ADAMTSL3: variants seen among roughly 807,000 people sequenced by gnomAD.
ADAMTSL3 encodes ADAMTS like 3, also known as ADAMTS-like protein 3.
ADAMTSL3 carries 128 observed loss-of-function variants against 201.7 expected under a neutral mutation model. The observed-to-expected ratio is 0.63, with a 90% CI of 0.55 to 0.73. The LOEUF is 0.73. ADAMTSL3 is among the 30% of genes least tolerant of loss of function. The pLI is 0.00. For missense variants in ADAMTSL3, 1,990 were observed against 2,119.6 expected (o/e 0.94, Z 1.20); for synonymous variants, 738 against 748.4 (o/e 0.99, Z 0.23).
intron 16 of ADAMTSL3, among the ~76,000 whole-genome samples, chr15:83,919,525 T>G (rs938748279): frequency 1.3e-5 from 2 of 151,994 alleles, no homozygotes; most frequent in Non-Finnish European, 2.9e-5. Flanking sequence ...GGAGCAGAGA[T>G]GGAAACCAGA....
At position 83,885,162 on chromosome 15, in the gene ADAMTSL3, A is replaced by G. The variant is rs752950467; in HGVS notation, c.1022A>G (p.His341Arg). Residue 341 changes from histidine (H) to arginine (R), a missense_variant, in exon 10 of 30, where the codon CAT becomes CGT. Transcript: ENST00000286744. ...TTCTTCTTTTACCAGCCCATCAGTC[A>G]TCAGTGGAGACAAACTGACTTCTTT... Reference protein sequence around the residue: ...VQFFFYQPISHQWRQTDFFPC... With the variant: ...VQFFFYQPISRQWRQTDFFPC... 8.1e-6 allele frequency: 13 copies of G among 1,614,150 alleles called. No homozygotes were observed. In the South Asian group the frequency reaches 1.4e-4, roughly 18 times the overall value.
At chr15:83,702,786 G>A (rs771414026) in intron 2 of ADAMTSL3, among the ~76,000 whole-genome samples, 2 of 152,202 alleles carry the variant, frequency 1.3e-5, no homozygotes, top group Non-Finnish European at 2.9e-5. Flanking sequence ...ATAGCAGTAC[G>A]GAAGGGAAAT....
intron 15 of ADAMTSL3, among the ~76,000 whole-genome samples, chr15:83,899,953 T>C (rs906186008): frequency 4.6e-5 from 7 of 152,220 alleles, no homozygotes; most frequent in Non-Finnish European, 1.0e-4. Flanking sequence ...ACAGTGTTAC[T>C]TAACTCAAAG....
intron 4 of ADAMTSL3, among the ~76,000 whole-genome samples, chr15:83,784,294 A>AT (rs1459368972): frequency 2.0e-5 from 3 of 152,122 alleles, no homozygotes; most frequent in African/African-American, 4.8e-5. Flanking sequence ...GGAATTGGCT[A>AT]TATCATCTGC....
At chr15:83,844,156 T>G (rs2141993726) in intron 7 of ADAMTSL3, among the ~76,000 whole-genome samples, 1 of 152,330 alleles carries the variant, frequency 6.6e-6, no homozygotes, top group South Asian at 2.1e-4. Flanking sequence ...TTGTCCATTT[T>G]TACATGGTGG....
chr15:83,785,009 G>T (rs2063237851), intron 4 of ADAMTSL3, among the ~76,000 whole-genome samples: 1 of 152,114 alleles, frequency 6.6e-6, no homozygotes, highest in Admixed American at 6.5e-5. Context: ...AATGCTGATT[G>T]TCAATTGCTG....
chr15:83,768,248 C>A (rs1316684947), intron 3 of ADAMTSL3, among the ~76,000 whole-genome samples: 1 of 152,106 alleles, frequency 6.6e-6, no homozygotes. Flanking sequence ...TTATTTAAAT[C>A]TTGTTTGGGT....
intron 3 of ADAMTSL3, among the ~76,000 whole-genome samples, chr15:83,740,870 A>C (rs572446085): frequency 5.3e-5 from 8 of 152,134 alleles, no homozygotes; most frequent in Non-Finnish European, 8.8e-5. Flanking sequence ...TAGAATGAAT[A>C]CTTTAAAATC....
At chr15:83,909,450 C>A (rs886639028) in intron 15 of ADAMTSL3, among the ~76,000 whole-genome samples, 2 of 152,094 alleles carry the variant, frequency 1.3e-5, no homozygotes, top group African/African-American at 4.8e-5. Flanking sequence ...CTGTTTCATG[C>A]GTTGGAATCT....
chr15:83,811,232 GT>G (rs1428609058), intron 5 of ADAMTSL3, among the ~76,000 whole-genome samples: 1 of 152,166 alleles, frequency 6.6e-6, no homozygotes, highest in Non-Finnish European at 1.5e-5. Flanking sequence ...GGCCAAGGTG[GT>G]GCATTATTTT....
At chr15:84,025,609 T>C in intron 27 of ADAMTSL3, 173 bp downstream of exon 27, 1 of 648,494 alleles carries the variant, frequency 1.5e-6, no homozygotes, top group Non-Finnish European at 2.5e-6. Flanking sequence ...AATCATAGTA[T>C]CTCTGTCTTC....
At chr15:83,701,817 C>CTGGGGTATGAGCTT (rs2061782619) in intron 2 of ADAMTSL3, among the ~76,000 whole-genome samples, 1 of 152,118 alleles carries the variant, frequency 6.6e-6, no homozygotes, top group Non-Finnish European at 1.5e-5. Context: ...TGAAATTGGA[C>CTGGGGTATGAGCTT]TAATTCAGTA....
chr15:83,765,465 T>A (rs982522284), intron 3 of ADAMTSL3, among the ~76,000 whole-genome samples: 3 of 152,290 alleles, frequency 2.0e-5, no homozygotes, highest in Non-Finnish European at 2.9e-5. Context: ...TAAGTGACCT[T>A]ATATGTGAAA....
In ADAMTSL3 at chr15:84,014,777, G is replaced by T. The variant is rs952075014; in HGVS notation, c.4156+53G>T. On this transcript the variant is annotated intron_variant, in intron 24 of 29. Coordinates refer to ENST00000286744, the MANE Select transcript of ADAMTSL3 (RefSeq NM_207517.3). Reference sequence around the variant, plus strand: ...AAGTGCCTCCTGTAATATGCACAAAGTAGGCCCCAGTTTTGTTGATTTTGG... The same window carrying T: ...AAGTGCCTCCTGTAATATGCACAAATTAGGCCCCAGTTTTGTTGATTTTGG... 6.6e-6 allele frequency: 10 copies of T among 1,512,858 alleles called. No individual in the cohort carries two copies. In the African/African-American group the frequency reaches 1.3e-4, roughly 19 times the overall value. 93.7% of individuals were successfully genotyped at this position (1,512,858 alleles called of 1,614,324 possible).
chr15:83,741,655 C>G (rs926671730), intron 3 of ADAMTSL3, among the ~76,000 whole-genome samples: 2 of 152,088 alleles, frequency 1.3e-5, no homozygotes, highest in African/African-American at 4.8e-5. Flanking sequence ...AAAACCAACT[C>G]AAAAACCATT....
chr15:83,947,833 A>G (rs937360008), intron 19 of ADAMTSL3, among the ~76,000 whole-genome samples: 1 of 152,078 alleles, frequency 6.6e-6, no homozygotes, highest in Non-Finnish European at 1.5e-5. Flanking sequence ...ATCTCCAGAA[A>G]GTCTCTAACC....
Position 83,657,822 on chromosome 15 carries a change from C to G in ADAMTSL3, c.69+1992C>G, listed in dbSNP as rs555076045. 1.8e-4 allele frequency among the ~76,000 whole-genome samples: 27 copies of G among 152,268 alleles called. No individual in the cohort carries two copies. In the South Asian group the frequency reaches 5.4e-3, roughly 30 times the overall value. On this transcript the variant is annotated intron_variant, in intron 2 of 29. Transcript: ENST00000286744. ...ATGGCTAGGTCTGTCTCACCAGAGG[C>G]CCTGAGAAAAGGTTCTAATGAAGGG...
chr15:83,823,135 A>T (rs1013639593), intron 6 of ADAMTSL3, among the ~76,000 whole-genome samples: 8 of 141,280 alleles, frequency 5.7e-5, no homozygotes, highest in African/African-American at 2.0e-4. Context: ...CAGTGAGCCG[A>T]GATGGCAGCA....
At chr15:83,748,709 G>T (rs2062591363) in intron 3 of ADAMTSL3, among the ~76,000 whole-genome samples, 1 of 143,404 alleles carries the variant, frequency 7.0e-6, no homozygotes, top group African/African-American at 2.6e-5. Context: ...GGAAAGAAAA[G>T]AAAGAAGAAA....
Sources: allele counts gnomAD v4.1 joint callset (sites outside exome capture counted in the v4.1 genomes callset), GRCh38; gene constraint gnomAD v4.1.1; transcripts MANE v1.5; gene names NCBI Gene and HGNC (gene_info 2026-07-23, HGNC 2026-07-21).